The following ATP6V1D variants were observed in gnomAD, a reference collection of about 807,000 sequenced individuals.
ATP6V1D encodes ATPase H+ transporting V1 subunit D.
A neutral mutation model predicts 39.4 loss-of-function variants in ATP6V1D; 20 were observed. The observed-to-expected ratio is 0.51, with a 90% CI of 0.36 to 0.74. The LOEUF (loss-of-function observed/expected upper bound fraction) is 0.74, where lower values mean the gene tolerates loss of function less well. Among genes scored for constraint, ATP6V1D ranks in the 30% least tolerant of loss-of-function variants. The pLI is 0.00. For synonymous variants in ATP6V1D, 100 were observed against 100.5 expected, an observed-to-expected ratio of 0.99 and a Z score of 0.03; for missense variants, 228 against 291.6, an observed-to-expected ratio of 0.78 and a Z score of 1.59.
At chr14:67,350,463 G>A (rs2085648400) in intron 3 of ATP6V1D, 148 bp downstream of exon 3, 1 of 576,478 alleles carries the variant, frequency 1.7e-6, no homozygotes, top group Non-Finnish European at 2.9e-6. Context: ...GTGGAGTTAA[G>A]GTGATGGGGT....
chr14:67,343,528 A>T, intron 6 of ATP6V1D, 90 bp from the exon 7 acceptor site: 4 of 896,370 alleles, frequency 4.5e-6, no homozygotes, highest in Non-Finnish European at 6.9e-6. Flanking sequence ...ACTTGTAGAA[A>T]ACATTTGAGA....
intron 1 of ATP6V1D, among the ~76,000 whole-genome samples, chr14:67,355,338 C>T (rs1177522593): frequency 6.7e-6 from 1 of 149,154 alleles, no homozygotes; most frequent in Non-Finnish European, 1.5e-5. Flanking sequence ...AGCCCCAATA[C>T]CAAAGTCAAG....
intron 1 of ATP6V1D, among the ~76,000 whole-genome samples, chr14:67,355,737 TTA>T (rs1163767202): frequency 1.3e-5 from 2 of 152,008 alleles, no homozygotes; most frequent in African/African-American, 4.8e-5. Flanking sequence ...GTACAGTGGC[TTA>T]TGTCTATAAT....
intron 4 of ATP6V1D, 49 bp from the exon 5 acceptor site, chr14:67,347,502 C>CTTTTT: frequency 7.2e-6 from 8 of 1,112,642 alleles, no homozygotes; most frequent in South Asian, 1.5e-5. Flanking sequence ...TAAGTTCTCT[C>CTTTTT]TTTTTTTTTT....
At chr14:67,354,777 T>C (rs2085674704) in intron 1 of ATP6V1D, among the ~76,000 whole-genome samples, 1 of 152,086 alleles carries the variant, frequency 6.6e-6, no homozygotes, top group East Asian at 1.9e-4. Flanking sequence ...AAAATATGGA[T>C]TTACTTTTTA....
intron 1 of ATP6V1D, among the ~76,000 whole-genome samples, chr14:67,355,756 T>C (rs1439684023): frequency 1.3e-5 from 2 of 151,964 alleles, no homozygotes; most frequent in Non-Finnish European, 2.9e-5. Context: ...TAATCAGCAC[T>C]TTGGGAGGCT....
At chr14:67,347,792 G>A (rs1011098170) in intron 4 of ATP6V1D, among the ~76,000 whole-genome samples, 15 of 151,682 alleles carry the variant, frequency 9.9e-5, no homozygotes, top group Non-Finnish European at 1.5e-4. Context: ...GAGCCACCGC[G>A]CCTGGCCTAA....
At chr14:67,340,980 A>T (rs563639939) in intron 7 of ATP6V1D, among the ~76,000 whole-genome samples, 10 of 152,164 alleles carry the variant, frequency 6.6e-5, no homozygotes, top group African/African-American at 2.2e-4. Flanking sequence ...TCAGTGCTCA[A>T]TGGTGCCCAG....
Position 67,338,698 on chromosome 14 carries a change from T to C in ATP6V1D, c.667A>G (p.Arg223Gly). Residue 223 changes from arginine (R) to glycine (G), a missense_variant, in exon 9 of 9, where the codon AGG becomes GGG. Transcript: ENST00000216442. The part of the protein sequence containing the change: ...KEKSEKDLEQ[R>G]RAAGEVLEPA... Reference sequence around the variant, plus strand: ...TCCAACACCTCTCCAGCTGCTCTCCTTTGCTCCAAGTCCTTCTCAGATTTT... The same window carrying C: ...TCCAACACCTCTCCAGCTGCTCTCCCTTGCTCCAAGTCCTTCTCAGATTTT... The C allele has an allele frequency of 3.7e-6, 6 of 1,613,980 alleles. No homozygotes were observed. The highest frequency in any genetic ancestry group is 5.1e-6 in the Non-Finnish European group (6 of 1,179,848).
At position 67,359,654 on chromosome 14, in the gene ATP6V1D, T is replaced by C. The variant is rs532450036; in HGVS notation, c.41+4A>G. 1.2e-6 allele frequency: 2 copies of C among 1,614,070 alleles called. No individual in the cohort carries two copies. The highest frequency in any genetic ancestry group is 4.5e-5 in the East Asian group (2 of 44,878). Reference sequence around the variant, plus strand: ...AAAGCGGCTTATCCCATTCCTTTACTTACATTCGCGAGGGAAAGATTTCAA... The same window carrying C: ...AAAGCGGCTTATCCCATTCCTTTACCTACATTCGCGAGGGAAAGATTTCAA... On this transcript the variant is annotated splice_donor_region_variant and intron_variant, in intron 1 of 8. Transcript: ENST00000216442.
intron 4 of ATP6V1D, chr14:67,348,806 C>T: frequency 2.4e-6 from 1 of 414,800 alleles, no homozygotes; most frequent in Non-Finnish European, 4.4e-6. Context: ...AGGCATGAGC[C>T]ACCGTGCCCA....
intron 1 of ATP6V1D, among the ~76,000 whole-genome samples, chr14:67,356,422 AAAAAAC>A (rs1314322726): frequency 1.5e-5 from 2 of 132,328 alleles, no homozygotes; most frequent in Non-Finnish European, 3.0e-5. Flanking sequence ...ACCTGCCTCA[AAAAAAC>A]AAAAACAAAA....
At chr14:67,348,852 C>T (rs567423816) in intron 4 of ATP6V1D, 185 bp downstream of exon 4, 174 of 616,500 alleles carry the variant, frequency 2.8e-4, no homozygotes, top group Admixed American at 8.5e-4. Context: ...CACTTCTATA[C>T]AAAAGTCAAG....
chr14:67,350,570 C>A, intron 3 of ATP6V1D, 41 bp downstream of exon 3: 2 of 1,524,320 alleles, frequency 1.3e-6, no homozygotes, highest in South Asian at 2.3e-5. Flanking sequence ...AGACTGAAAT[C>A]ACTTTGTTTT....
intron 7 of ATP6V1D, among the ~76,000 whole-genome samples, chr14:67,341,341 G>A (rs1387271729): frequency 6.6e-6 from 1 of 151,642 alleles, no homozygotes; most frequent in Non-Finnish European, 1.5e-5. Context: ...TGAGAAGTGA[G>A]GAGACCCTCC....
At chr14:67,341,590 A>T (rs1430379310) in intron 7 of ATP6V1D, among the ~76,000 whole-genome samples, 2 of 139,346 alleles carry the variant, frequency 1.4e-5, no homozygotes, top group African/African-American at 5.5e-5. Context: ...CAGGCCAGCC[A>T]CCCTGTCCGG....
rs1442949291 is a variant in ATP6V1D at position 67,338,425 on chromosome 14, A to C, written c.*196T>G. 1 of 570,396 alleles carries C rather than the reference A, an allele frequency of 1.8e-6. No homozygotes were observed. Among genetic ancestry groups the C allele is most frequent in the East Asian group, 3.0e-5 (1 of 33,412 alleles). 35.3% of individuals were successfully genotyped at this position (570,396 alleles called of 1,614,324 possible). On this transcript the variant is annotated 3_prime_UTR_variant, in exon 9 of 9. Transcript: ENST00000216442. Reference sequence around the variant, plus strand: ...GTAAGTTCCTGGGCAGGTTTTACAGATCTCTTTCATCCATGATAAATGGTT... The same window carrying C: ...GTAAGTTCCTGGGCAGGTTTTACAGCTCTCTTTCATCCATGATAAATGGTT...
intron 4 of ATP6V1D, among the ~76,000 whole-genome samples, chr14:67,348,079 T>G (rs1452885170): frequency 6.6e-6 from 1 of 150,870 alleles, no homozygotes; most frequent in Non-Finnish European, 1.5e-5. Flanking sequence ...CCAGCTAATT[T>G]TTTTTTTTTT....
chr14:67,354,249 G>T (rs997715598), intron 1 of ATP6V1D, among the ~76,000 whole-genome samples: 3 of 152,070 alleles, frequency 2.0e-5, no homozygotes, highest in Non-Finnish European at 4.4e-5. Flanking sequence ...TCAATATCTG[G>T]AATATTTATT....
Sources: allele counts gnomAD v4.1 joint callset (sites outside exome capture counted in the v4.1 genomes callset), GRCh38; gene constraint gnomAD v4.1.1; transcripts MANE v1.5; gene names NCBI Gene and HGNC (gene_info 2026-07-23, HGNC 2026-07-21).